Variants in TBL1XR1 observed in about 807,000 individuals in gnomAD.
TBL1XR1 encodes the protein TBL1X/Y related 1.
Under a neutral mutation model 66.9 loss-of-function variants are expected in TBL1XR1, and 5 were observed. The ratio of observed to expected loss-of-function variants is 0.07; its 90% CI spans 0.04 to 0.16. TBL1XR1 has a LOEUF of 0.16. Among genes scored for constraint, TBL1XR1 ranks in the 10% least tolerant of loss-of-function variants. The pLI is 1.00. For synonymous variants in TBL1XR1, 210 were observed against 206.0 expected (o/e 1.02, Z -0.17); for missense variants, 238 against 623.2 (o/e 0.38, Z 6.58).
chr3:177,051,875 G>T, intron 4 of TBL1XR1, 149 bp from the exon 5 acceptor site: 1 of 1,005,170 alleles, frequency 9.9e-7, no homozygotes, highest in Non-Finnish European at 1.4e-6. Context: ...AGTCCGGAGG[G>T]AATAAAGAAA....
chr3:177,168,451 T>C (rs1733090755), intron 1 of TBL1XR1, among the ~76,000 whole-genome samples: 2 of 152,112 alleles, frequency 1.3e-5, no homozygotes, highest in Non-Finnish European at 2.9e-5. Flanking sequence ...CCAGCTAATT[T>C]TTTTATTTTT....
intron 14 of TBL1XR1, among the ~76,000 whole-genome samples, chr3:177,028,281 A>G (rs1713442965): frequency 7.7e-6 from 1 of 130,200 alleles, no homozygotes; most frequent in Non-Finnish European, 1.7e-5. Flanking sequence ...TCACTGTTTT[A>G]CTATTTTCAA....
At chr3:177,115,264 T>TA (rs796077501) in intron 1 of TBL1XR1, among the ~76,000 whole-genome samples, 32 of 152,242 alleles carry the variant, frequency 2.1e-4, no homozygotes, top group East Asian at 1.7e-3. Flanking sequence ...ATGTAACTGT[T>TA]AAAAAAACTG....
chr3:177,190,931 G>C (rs893162214), intron 1 of TBL1XR1, among the ~76,000 whole-genome samples: 1 of 152,192 alleles, frequency 6.6e-6, no homozygotes, highest in Non-Finnish European at 1.5e-5. Flanking sequence ...TATGGGATTT[G>C]TGATCTTCAT....
chr3:177,029,587 T>C (rs1713647419), intron 14 of TBL1XR1, among the ~76,000 whole-genome samples: 2 of 152,040 alleles, frequency 1.3e-5, no homozygotes, highest in African/African-American at 4.8e-5. Context: ...TGCCACTGCA[T>C]TCCAGCCTAG....
At chr3:177,073,233 C>T (rs559146756) in intron 2 of TBL1XR1, among the ~76,000 whole-genome samples, 97 of 152,230 alleles carry the variant, frequency 6.4e-4, no homozygotes, top group Non-Finnish European at 1.3e-3. Context: ...CCTATTGAGT[C>T]CCTCATGGCA....
rs1294693953 is a variant in TBL1XR1, at chr3:177,024,039, T to C, written c.*1459A>G. 3.3e-5 allele frequency: 5 copies of C among 151,878 alleles called. No homozygotes were observed. The East Asian group carries it at 7.7e-4, about 23-fold the overall frequency. 9.4% of individuals were successfully genotyped at this position (151,878 alleles called of 1,614,324 possible). A position where few individuals can be genotyped will look rare whatever the true frequency, so the allele number is the denominator to read the frequency against. On this transcript the variant is annotated 3_prime_UTR_variant, in exon 16 of 16. Coordinates refer to ENST00000457928, the MANE Select transcript of TBL1XR1 (RefSeq NM_024665.7). Reference sequence around the variant, plus strand: ...GCATGAGCACAAGGTTTAATATCTATATCTTTAAGAAAATACTTGATATTA... The same window carrying C: ...GCATGAGCACAAGGTTTAATATCTACATCTTTAAGAAAATACTTGATATTA...
rs1275673299 is a variant in TBL1XR1, at chr3:177,054,065, TGTGTGTGTGC to T, written c.59-157_59-148del. The T allele has an allele frequency of 2.3e-4, 157 of 679,942 alleles. 1 individual carries two copies. In the African/African-American group the frequency reaches 2.5e-3, roughly 11 times the overall value. 42.1% of individuals were successfully genotyped at this position (679,942 alleles called of 1,614,324 possible). A position where few individuals can be genotyped will look rare whatever the true frequency, so the allele number is the denominator to read the frequency against. On this transcript the variant is annotated intron_variant, in intron 3 of 15. Transcript: ENST00000457928. ...AAGGTCGTGTGTGTGTGTGTGTGTG[TGTGTGTGTGC>T]GCGCGCGTGTGTGTGCATGTAAACA...
At chr3:177,085,911 G>A (rs1423335350) in intron 2 of TBL1XR1, among the ~76,000 whole-genome samples, 2 of 152,138 alleles carry the variant, frequency 1.3e-5, no homozygotes, top group Non-Finnish European at 2.9e-5. Context: ...GAATGCTGGA[G>A]TGCAAATGAG....
intron 12 of TBL1XR1, among the ~76,000 whole-genome samples, chr3:177,036,242 C>T (rs1465169002): frequency 1.3e-5 from 2 of 152,164 alleles, no homozygotes; most frequent in Admixed American, 1.3e-4. Context: ...CCTGGCCATG[C>T]CCAAGGATTT....
intron 7 of TBL1XR1, among the ~76,000 whole-genome samples, chr3:177,048,340 G>C (rs1560114365): frequency 6.6e-6 from 1 of 152,194 alleles, no homozygotes; most frequent in Non-Finnish European, 1.5e-5. Flanking sequence ...ACTATTGCTA[G>C]AATCAGTAAA....
At chr3:177,032,385 T>C (rs1295920621) in intron 14 of TBL1XR1, 2 of 152,208 alleles carry the variant, frequency 1.3e-5, no homozygotes, top group Non-Finnish European at 2.9e-5. Flanking sequence ...ATGTGTGCAC[T>C]ACAACCAACA....
chr3:177,085,895 T>G (rs1722057048), intron 2 of TBL1XR1, among the ~76,000 whole-genome samples: 1 of 152,110 alleles, frequency 6.6e-6, no homozygotes, highest in Admixed American at 6.6e-5. Context: ...TACACAAAAT[T>G]TAAAAGAATG....
At chr3:177,157,730 CA>C in intron 1 of TBL1XR1, among the ~76,000 whole-genome samples, 1 of 152,182 alleles carries the variant, frequency 6.6e-6, no homozygotes, top group Admixed American at 6.5e-5. Context: ...TCTCAAGAAG[CA>C]AAACTAACCT....
At chr3:177,098,260 T>C (rs1379265916) in intron 2 of TBL1XR1, among the ~76,000 whole-genome samples, 2 of 151,920 alleles carry the variant, frequency 1.3e-5, no homozygotes, top group East Asian at 3.9e-4. Flanking sequence ...AAAGTAGCAA[T>C]TTTTCCTTTA....
At chr3:177,154,755 AAAT>A (rs1207797239) in intron 1 of TBL1XR1, among the ~76,000 whole-genome samples, 3 of 152,158 alleles carry the variant, frequency 2.0e-5, no homozygotes, top group Non-Finnish European at 4.4e-5. Context: ...TTCTCTCTGT[AAAT>A]AATAAAACTA....
At chr3:177,129,421 T>G (rs953409869) in intron 1 of TBL1XR1, among the ~76,000 whole-genome samples, 3 of 152,214 alleles carry the variant, frequency 2.0e-5, no homozygotes, top group African/African-American at 7.2e-5. Context: ...AAGATTTCAC[T>G]GAGAACTTCT....
At chr3:177,066,903 C>A (rs1182864522) in intron 2 of TBL1XR1, among the ~76,000 whole-genome samples, 1 of 152,116 alleles carries the variant, frequency 6.6e-6, no homozygotes, top group Non-Finnish European at 1.5e-5. Context: ...AGAAAAGGTA[C>A]CCTCTTCACC....
intron 2 of TBL1XR1, among the ~76,000 whole-genome samples, chr3:177,085,548 C>T (rs896799890): frequency 5.3e-5 from 8 of 151,974 alleles, no homozygotes; most frequent in African/African-American, 1.7e-4. Flanking sequence ...CATGAAGGGA[C>T]AGGAAACACA....
Sources: allele counts gnomAD v4.1 joint callset (sites outside exome capture counted in the v4.1 genomes callset), GRCh38; gene constraint gnomAD v4.1.1; transcripts MANE v1.5; gene names NCBI Gene and HGNC (gene_info 2026-07-23, HGNC 2026-07-21).